NUP133: variants seen among roughly 807,000 people sequenced by gnomAD.
NUP133 encodes the protein nucleoporin 133, also known as nuclear pore complex protein Nup133.
Under a neutral mutation model 146.2 loss-of-function variants are expected in NUP133, and 66 were observed. That is an observed-to-expected ratio of 0.45 (90% CI 0.37 to 0.55). The LOEUF (loss-of-function observed/expected upper bound fraction) is 0.55. NUP133 is among the 20% of genes least tolerant of loss of function. The pLI is 0.00. For synonymous variants in NUP133, 521 were observed against 498.8 expected (o/e 1.04, Z -0.59); for missense variants, 1,277 against 1,374.8 (o/e 0.93, Z 1.12).
At chr1:229,490,612 A>G (rs1400188760) in intron 8 of NUP133, among the ~76,000 whole-genome samples, 1 of 152,154 alleles carries the variant, frequency 6.6e-6, no homozygotes, top group Non-Finnish European at 1.5e-5. Context: ...GGGGGTTATA[A>G]AACTGTTCTG....
At chr1:229,503,565 T>G (rs1661859130) in intron 2 of NUP133, among the ~76,000 whole-genome samples, 3 of 152,228 alleles carry the variant, frequency 2.0e-5, no homozygotes, top group Admixed American at 2.0e-4. Context: ...CCTGGAAATT[T>G]TATTAAGTTG....
At position 229,452,158 on chromosome 1, in the gene NUP133, G is replaced by A. The variant is rs561796827; in HGVS notation, c.3099+367C>T. On this transcript the variant is annotated intron_variant, in intron 22 of 25. Coordinates refer to ENST00000261396, the MANE Select transcript of NUP133 (RefSeq NM_018230.3). ...GGTAAGGACAGAACTGCTAGACCATGTAAACTGAGTTCCTTAATCCATTTT... is the reference window on the plus strand; with the variant it reads ...GGTAAGGACAGAACTGCTAGACCATATAAACTGAGTTCCTTAATCCATTTT... 3.9e-5 allele frequency among the ~76,000 whole-genome samples: 6 copies of A among 152,298 alleles called. No homozygotes were observed. In the East Asian group the frequency reaches 1.2e-3, roughly 29 times the overall value.
Position 229,508,284 on chromosome 1 carries a change from T to A in NUP133, c.-35A>T. ...GAGCAGCGACTAGGACAGCGAGGGA[T>A]CTGGCCGTCAGGTTGCAGCCTGGCC... On this transcript the variant is annotated 5_prime_UTR_variant, in exon 1 of 26. Coordinates refer to ENST00000261396, the MANE Select transcript of NUP133 (RefSeq NM_018230.3). 1 of 1,397,838 alleles carries A rather than the reference T, an allele frequency of 7.2e-7. No homozygotes were observed. Among genetic ancestry groups the A allele is most frequent in the Non-Finnish European group, 9.4e-7 (1 of 1,066,900 alleles). 86.6% of individuals were successfully genotyped at this position (1,397,838 alleles called of 1,614,324 possible).
At chr1:229,480,545 GTAA>G (rs779745175) in intron 12 of NUP133, among the ~76,000 whole-genome samples, 1 of 152,176 alleles carries the variant, frequency 6.6e-6, no homozygotes, top group Non-Finnish European at 1.5e-5. Flanking sequence ...TATAAAAACA[GTAA>G]TATTACCTTA....
At chr1:229,459,213 T>C (rs1009551421) in intron 20 of NUP133, among the ~76,000 whole-genome samples, 5 of 152,126 alleles carry the variant, frequency 3.3e-5, no homozygotes, top group African/African-American at 9.7e-5. Flanking sequence ...AGCCATCATA[T>C]TGTGCAATGT....
chr1:229,482,153 A>C (rs1661228196), intron 12 of NUP133, among the ~76,000 whole-genome samples: 1 of 152,192 alleles, frequency 6.6e-6, no homozygotes, highest in Non-Finnish European at 1.5e-5. Context: ...GAAACAAAAA[A>C]CTTGCCTAAT....
At chr1:229,493,887 C>A (rs953517655) in intron 8 of NUP133, among the ~76,000 whole-genome samples, 1 of 152,196 alleles carries the variant, frequency 6.6e-6, no homozygotes, top group Non-Finnish European at 1.5e-5. Context: ...AATCCCACTA[C>A]TTTGGGAGGC....
intron 25 of NUP133, among the ~76,000 whole-genome samples, chr1:229,443,225 G>C (rs747487189): frequency 1.3e-5 from 2 of 149,508 alleles, no homozygotes; most frequent in Admixed American, 6.7e-5. Flanking sequence ...TTTCTGTAGA[G>C]GTGGGGGTCT....
rs1661815120 is a variant in NUP133, at chr1:229,502,081, T to C, written c.323A>G (p.Asn108Ser). 2 of 1,613,766 alleles carry C rather than the reference T, an allele frequency of 1.2e-6. No individual in the cohort carries two copies. Among genetic ancestry groups the C allele is most frequent in the Admixed American group, 3.3e-5 (2 of 59,988 alleles). ...ACAAGCCCATCCACCTTCATCTATG[T>C]TAATGGTCAGCTGGTCATCGACTAA... The part of the protein sequence containing the change: ...LAEVDDQLTI[N>S]IDEGGWACLV... The change falls in exon 3 of 26, where the codon AAC becomes AGC. Residue 108 changes from asparagine to serine, a missense_variant. Asn to Ser is a conservative substitution (Grantham distance 46, BLOSUM62 1). Coordinates refer to ENST00000261396, the MANE Select transcript of NUP133 (RefSeq NM_018230.3).
chr1:229,457,132 A>T (rs1407720594), intron 21 of NUP133, among the ~76,000 whole-genome samples: 2 of 151,734 alleles, frequency 1.3e-5, no homozygotes, highest in African/African-American at 4.8e-5. Context: ...CAGCTGATGT[A>T]TTTTTTTAAT....
At chr1:229,456,379 G>GCATTT (rs767205000) in intron 21 of NUP133, among the ~76,000 whole-genome samples, 3 of 152,270 alleles carry the variant, frequency 2.0e-5, no homozygotes, top group South Asian at 4.1e-4. Context: ...CTGTAAAGAA[G>GCATTT]CATTTCACTG....
chr1:229,454,483 C>T (rs1315591686), intron 21 of NUP133, among the ~76,000 whole-genome samples: 4 of 152,128 alleles, frequency 2.6e-5, no homozygotes, highest in Non-Finnish European at 5.9e-5. Flanking sequence ...TGGCTATCTC[C>T]GGGGAGGTAG....
At chr1:229,467,343 T>C (rs1660848799) in intron 15 of NUP133, among the ~76,000 whole-genome samples, 1 of 152,162 alleles carries the variant, frequency 6.6e-6, no homozygotes, top group African/African-American at 2.4e-5. Context: ...CACTTAAGCT[T>C]TCCCCCCATT....
At chr1:229,506,367 T>C (rs1399772188) in intron 1 of NUP133, among the ~76,000 whole-genome samples, 1 of 151,206 alleles carries the variant, frequency 6.6e-6, no homozygotes, top group Non-Finnish European at 1.5e-5. Context: ...TAGACTCTAG[T>C]ATTGAAATGC....
At chr1:229,443,894 CTTTTTTT>C (rs746631129) in intron 25 of NUP133, among the ~76,000 whole-genome samples, 9 of 114,878 alleles carry the variant, frequency 7.8e-5, no homozygotes, top group South Asian at 2.8e-4. Context: ...GTGCTCAACT[CTTTTTTT>C]TTTTTTTTTT....
At chr1:229,477,542 T>A in intron 13 of NUP133, 55 bp downstream of exon 13, 7 of 1,420,068 alleles carry the variant, frequency 4.9e-6, no homozygotes, top group Non-Finnish European at 6.6e-6. Flanking sequence ...ATGCTTCTAA[T>A]AAAGAAACCA....
At chr1:229,451,902 A>G (rs1176541172) in intron 22 of NUP133, among the ~76,000 whole-genome samples, 1 of 152,240 alleles carries the variant, frequency 6.6e-6, no homozygotes, top group Non-Finnish European at 1.5e-5. Flanking sequence ...TTCCATTTCC[A>G]AATTAAATAT....
At chr1:229,446,439 A>C (rs898429877) in intron 24 of NUP133, among the ~76,000 whole-genome samples, 1 of 152,018 alleles carries the variant, frequency 6.6e-6, no homozygotes, top group African/African-American at 2.4e-5. Flanking sequence ...ACAAACAAAA[A>C]AAAGAGAAAG....
intron 24 of NUP133, among the ~76,000 whole-genome samples, chr1:229,446,172 C>T (rs986988942): frequency 1.3e-5 from 2 of 152,006 alleles, no homozygotes; most frequent in Admixed American, 6.6e-5. Context: ...TTTGGGAGGC[C>T]GAGGCAGACA....
Sources: gnomAD v4.1 joint callset for allele counts (sites outside exome capture counted in the v4.1 genomes callset) on GRCh38, gnomAD v4.1.1 for gene constraint, MANE v1.5 for transcripts, NCBI Gene and HGNC (gene_info 2026-07-23, HGNC 2026-07-21) for gene names.